Variants in IL1RAPL2 observed in about 807,000 individuals in gnomAD.
IL1RAPL2 encodes the protein X-linked interleukin-1 receptor accessory protein-like 2.
In IL1RAPL2, 3 loss-of-function variants were observed where a neutral mutation model predicts 44.1. The observed-to-expected ratio is 0.07, with a 90% CI of 0.03 to 0.18. IL1RAPL2 has a LOEUF of 0.18. Among genes scored for constraint, IL1RAPL2 ranks in the 10% least tolerant of loss-of-function variants. The pLI is 1.00. For synonymous variants in IL1RAPL2, 181 were observed against 178.8 expected (o/e 1.01, Z -0.10); for missense variants, 391 against 496.4 (o/e 0.79, Z 2.02).
At chrX:105,063,691 G>C in intron 2 of IL1RAPL2, among the ~76,000 whole-genome samples, 1 of 111,927 alleles carries the variant, frequency 8.9e-6, no homozygotes, top group East Asian at 2.8e-4. Flanking sequence ...CATTCTTCTT[G>C]AGAAGGCTTT....
intron 2 of IL1RAPL2, among the ~76,000 whole-genome samples, chrX:104,760,523 C>T (rs943120572): frequency 1.6e-4 from 18 of 111,903 alleles, no homozygotes; most frequent in Admixed American, 2.8e-4. Flanking sequence ...TTGCATTTCT[C>T]TGATTATCAG....
At chrX:105,729,918 AAGG>A (rs1367665429) in intron 7 of IL1RAPL2, among the ~76,000 whole-genome samples, 3 of 83,244 alleles carry the variant, frequency 3.6e-5, no homozygotes, top group Non-Finnish European at 2.2e-5. Context: ...GGAAGGAAGG[AAGG>A]AGGGAGGGAG....
intron 8 of IL1RAPL2, among the ~76,000 whole-genome samples, chrX:105,746,633 C>G (rs2038545181): frequency 9.0e-6 from 1 of 111,524 alleles, no homozygotes; most frequent in African/African-American, 3.3e-5. Flanking sequence ...AAAATGGACC[C>G]CAAAATCACA....
At chrX:105,515,202 C>G (rs190495430) in intron 6 of IL1RAPL2, among the ~76,000 whole-genome samples, 1 of 111,462 alleles carries the variant, frequency 9.0e-6, no homozygotes, top group Admixed American at 9.5e-5. Flanking sequence ...AACCACAGAC[C>G]AAGACTTTTC....
intron 6 of IL1RAPL2, among the ~76,000 whole-genome samples, chrX:105,542,686 A>AT (rs1569452450): frequency 2.1e-5 from 2 of 96,217 alleles, no homozygotes; most frequent in African/African-American, 8.0e-5. Context: ...TTTATTTTTT[A>AT]TATTTTTTAT....
chrX:104,845,882 T>A (rs1451617703), intron 2 of IL1RAPL2, among the ~76,000 whole-genome samples: 1 of 111,894 alleles, frequency 8.9e-6, no homozygotes, highest in East Asian at 2.8e-4. Context: ...TGATTTCCTC[T>A]AGTCTGGTCT....
chrX:104,993,467 G>A (rs2030699148), intron 2 of IL1RAPL2, among the ~76,000 whole-genome samples: 1 of 111,691 alleles, frequency 9.0e-6, no homozygotes, highest in Non-Finnish European at 1.9e-5. Context: ...CTTTGGTTGT[G>A]CACTATTATT....
intron 6 of IL1RAPL2, among the ~76,000 whole-genome samples, chrX:105,507,317 G>A (rs769891207): frequency 8.9e-6 from 1 of 111,840 alleles, no homozygotes; most frequent in Non-Finnish European, 1.9e-5. Flanking sequence ...GTATGCCATT[G>A]CACGTCTCTT....
At chrX:105,023,189 T>G (rs1232415801) in intron 2 of IL1RAPL2, among the ~76,000 whole-genome samples, 1 of 110,769 alleles carries the variant, frequency 9.0e-6, no homozygotes, top group African/African-American at 3.3e-5. Context: ...TTTTAGTTGC[T>G]TTGTATCACT....
At chrX:104,818,082 C>T (rs182652602) in intron 2 of IL1RAPL2, among the ~76,000 whole-genome samples, 40 of 110,107 alleles carry the variant, frequency 3.6e-4, no homozygotes, top group East Asian at 1.4e-3. Context: ...TTTGGCCGTG[C>T]GCGGTGGCTC....
At chrX:104,638,819 A>C (rs1487673125) in intron 1 of IL1RAPL2, among the ~76,000 whole-genome samples, 2 of 112,383 alleles carry the variant, frequency 1.8e-5, no homozygotes, top group African/African-American at 6.5e-5. Context: ...ACTATGGAAA[A>C]GAATATGTAT....
At chrX:105,389,413 A>C (rs1280373467) in intron 5 of IL1RAPL2, among the ~76,000 whole-genome samples, 1 of 111,773 alleles carries the variant, frequency 8.9e-6, no homozygotes, top group African/African-American at 3.3e-5. Flanking sequence ...TCCCTCTCTT[A>C]ATTACCGAAC....
At chrX:105,407,758 G>A (rs888238308) in intron 5 of IL1RAPL2, among the ~76,000 whole-genome samples, 3 of 111,776 alleles carry the variant, frequency 2.7e-5, no homozygotes, top group Middle Eastern at 4.6e-3. Flanking sequence ...GTGGAACTCC[G>A]GATGGAGGAA....
At chrX:104,867,012 A>T (rs1922633496) in intron 2 of IL1RAPL2, among the ~76,000 whole-genome samples, 1 of 109,866 alleles carries the variant, frequency 9.1e-6, no homozygotes, top group Non-Finnish European at 1.9e-5. Flanking sequence ...ACCTTTATAT[A>T]TGCTTTCAAA....
rs1021897207 is a variant in IL1RAPL2, at chrX:105,336,329, G to T, written c.697+68788G>T. On this transcript the variant is annotated intron_variant, in intron 5 of 10. Transcript: ENST00000372582. ...AAGATGTTTGTGTTTTTCTGAAAAG[G>T]ACTCAATGTGGCCTAATGTTCTTGC... Among the ~76,000 whole-genome samples the T allele has an allele frequency of 6.2e-5, 7 of 112,114 alleles. No individual in the cohort carries two copies. In the Admixed American group the frequency reaches 6.6e-4, roughly 11 times the overall value.
intron 5 of IL1RAPL2, among the ~76,000 whole-genome samples, chrX:105,376,713 T>G (rs962851660): frequency 2.4e-4 from 27 of 112,067 alleles, no homozygotes; most frequent in African/African-American, 8.1e-4. Flanking sequence ...AGTAGGTGTA[T>G]GCAAGGAAAA....
chrX:105,542,696 TTTA>T (rs2036750674), intron 6 of IL1RAPL2, among the ~76,000 whole-genome samples: 1 of 80,730 alleles, frequency 1.2e-5, no homozygotes, highest in African/African-American at 4.6e-5. Context: ...ATATTTTTTA[TTTA>T]TTTATTTATT....
chrX:105,516,019 G>A (rs1037019473), intron 6 of IL1RAPL2, among the ~76,000 whole-genome samples: 1 of 111,664 alleles, frequency 9.0e-6, no homozygotes, highest in African/African-American at 3.3e-5. Context: ...GAAGGGTTTA[G>A]AAGTTTGTAA....
intron 2 of IL1RAPL2, among the ~76,000 whole-genome samples, chrX:104,755,967 A>G (rs1362053276): frequency 3.6e-5 from 4 of 111,466 alleles, no homozygotes; most frequent in Non-Finnish European, 7.6e-5. Flanking sequence ...ATCTCTGGGG[A>G]CTTTGAGGGA....
Sources: allele counts gnomAD v4.1 joint callset (sites outside exome capture counted in the v4.1 genomes callset), GRCh38; gene constraint gnomAD v4.1.1; transcripts MANE v1.5; gene names NCBI Gene and HGNC (gene_info 2026-07-23, HGNC 2026-07-21).